Variants in TNNI3K observed in about 807,000 individuals in gnomAD.
TNNI3K encodes the protein serine/threonine-protein kinase TNNI3K.
TNNI3K carries 140 observed loss-of-function variants against 114.5 expected under a neutral mutation model. The ratio of observed to expected loss-of-function variants is 1.22; its 90% CI spans 1.07 to 1.41. The LOEUF is 1.41. Ranked by LOEUF, TNNI3K falls within the 40% of genes most tolerant of loss-of-function variation. TNNI3K has a pLI of 0.00. For missense variants in TNNI3K, 1,125 were observed against 1,007.6 expected, an observed-to-expected ratio of 1.12 and a Z score of -1.58; for synonymous variants, 347 against 347.5, an observed-to-expected ratio of 1.00 and a Z score of 0.02.
chr1:74,464,527 A>C, intron 21 of TNNI3K: 2 of 1,427,456 alleles, frequency 1.4e-6, no homozygotes, highest in South Asian at 3.2e-5. Flanking sequence ...CAACAAGAGA[A>C]TAAAGTGAGG....
intron 5 of TNNI3K, among the ~76,000 whole-genome samples, chr1:74,283,145 CAT>C (rs1034455649): frequency 6.6e-6 from 1 of 152,136 alleles, no homozygotes; most frequent in African/African-American, 2.4e-5. Flanking sequence ...TTCTTTTACA[CAT>C]AGTCTTAAAT....
chr1:74,250,831 C>A, intron 4 of TNNI3K, 62 bp downstream of exon 4: 2 of 959,738 alleles, frequency 2.1e-6, no homozygotes, highest in Non-Finnish European at 2.8e-6. Flanking sequence ...TATCTTTAGG[C>A]TTTTTTTTTT....
At chr1:74,415,575 A>ATATTTGTCTC (rs1434648996) in intron 17 of TNNI3K, among the ~76,000 whole-genome samples, 1 of 151,902 alleles carries the variant, frequency 6.6e-6, no homozygotes, top group East Asian at 1.9e-4. Flanking sequence ...TTGTCTTTTA[A>ATATTTGTCTC]TATTTGTCTC....
intron 17 of TNNI3K, among the ~76,000 whole-genome samples, chr1:74,428,529 T>TA (rs1665742303): frequency 6.6e-6 from 1 of 152,106 alleles, no homozygotes; most frequent in African/African-American, 2.4e-5. Flanking sequence ...AAATAACGTC[T>TA]AAAAAACAGA....
chr1:74,317,460 G>A (rs1454252345), intron 5 of TNNI3K, among the ~76,000 whole-genome samples: 1 of 152,194 alleles, frequency 6.6e-6, no homozygotes, highest in African/African-American at 2.4e-5. Context: ...CTGGGGTACA[G>A]AGGGAGATTT....
intron 9 of TNNI3K, chr1:74,345,785 C>A (rs1660970243): frequency 6.6e-6 from 1 of 152,138 alleles, no homozygotes; most frequent in African/African-American, 2.4e-5. Flanking sequence ...AGGAAAAGAA[C>A]ATTTATGAGA....
chr1:74,322,040 G>C (rs572664250), intron 5 of TNNI3K, among the ~76,000 whole-genome samples: 1 of 152,238 alleles, frequency 6.6e-6, no homozygotes, highest in South Asian at 2.1e-4. Flanking sequence ...AAAGGGCGTG[G>C]TAACTCTAAA....
chr1:74,439,896 T>C (rs921420354), intron 20 of TNNI3K, among the ~76,000 whole-genome samples: 2 of 152,060 alleles, frequency 1.3e-5, no homozygotes, highest in Non-Finnish European at 2.9e-5. Context: ...AGCAAATAAC[T>C]ATGATCATGT....
intron 21 of TNNI3K, among the ~76,000 whole-genome samples, chr1:74,474,172 T>TC (rs1177003553): frequency 1.3e-5 from 2 of 152,126 alleles, no homozygotes; most frequent in East Asian, 3.9e-4. Flanking sequence ...TATAGGAGTT[T>TC]CCCACAGAGA....
intron 2 of TNNI3K, chr1:74,240,047 A>T (rs1438038128): frequency 2.2e-6 from 1 of 453,890 alleles, no homozygotes; most frequent in Non-Finnish European, 4.5e-6. Context: ...CCATTGTCTG[A>T]TTATATCCTC....
At chr1:74,304,730 C>T (rs1437918154) in intron 5 of TNNI3K, among the ~76,000 whole-genome samples, 2 of 152,164 alleles carry the variant, frequency 1.3e-5, no homozygotes, top group African/African-American at 2.4e-5. Context: ...CATGCATGAG[C>T]CACTGAACCC....
intron 11 of TNNI3K, among the ~76,000 whole-genome samples, chr1:74,357,777 T>C (rs891144773): frequency 3.9e-4 from 59 of 152,150 alleles, no homozygotes; most frequent in African/African-American, 1.4e-3. Flanking sequence ...CCTCCCCATC[T>C]CTCCCCTTCT....
At chr1:74,424,803 T>C (rs1423792598) in intron 17 of TNNI3K, among the ~76,000 whole-genome samples, 3 of 151,926 alleles carry the variant, frequency 2.0e-5, no homozygotes, top group Non-Finnish European at 2.9e-5. Context: ...AGTAACTATA[T>C]TGATTATTCA....
At chr1:74,332,080 C>G (rs1055810099) in intron 6 of TNNI3K, among the ~76,000 whole-genome samples, 5 of 151,784 alleles carry the variant, frequency 3.3e-5, no homozygotes, top group Non-Finnish European at 7.4e-5. Context: ...TATAACAGGT[C>G]CATATTTATA....
intron 23 of TNNI3K, among the ~76,000 whole-genome samples, chr1:74,509,378 T>A (rs1189252455): frequency 6.6e-6 from 1 of 152,206 alleles, no homozygotes; most frequent in African/African-American, 2.4e-5. Flanking sequence ...CGATAGTCAA[T>A]TGTGAATGTG....
intron 23 of TNNI3K, among the ~76,000 whole-genome samples, chr1:74,514,258 A>T (rs949745527): frequency 6.6e-6 from 1 of 152,186 alleles, no homozygotes; most frequent in East Asian, 1.9e-4. Context: ...GCTAGGAGCA[A>T]TTGTTTTAAA....
intron 5 of TNNI3K, among the ~76,000 whole-genome samples, chr1:74,326,424 A>G (rs140795239): frequency 6.6e-6 from 1 of 152,324 alleles, no homozygotes; most frequent in East Asian, 1.9e-4. Context: ...AAAACATTTA[A>G]CAAGAAATAA....
chr1:74,435,552 G>A (rs918959025), intron 17 of TNNI3K, among the ~76,000 whole-genome samples: 5 of 151,922 alleles, frequency 3.3e-5, no homozygotes, highest in African/African-American at 1.2e-4. Context: ...GGTTTAGTTG[G>A]CATCATTTCA....
At chr1:74,243,835 C>T (rs924926008) in intron 2 of TNNI3K, among the ~76,000 whole-genome samples, 2 of 152,014 alleles carry the variant, frequency 1.3e-5, no homozygotes, top group South Asian at 2.1e-4. Context: ...ATTCATGCCC[C>T]AGCATGCACT....
Sources: allele counts gnomAD v4.1 joint callset (sites outside exome capture counted in the v4.1 genomes callset), GRCh38; gene constraint gnomAD v4.1.1; transcripts MANE v1.5; gene names NCBI Gene and HGNC (gene_info 2026-07-23, HGNC 2026-07-21).